Variants in CEP120 observed in about 807,000 individuals in gnomAD.
CEP120 encodes centrosomal protein of 120 kDa.
Under a neutral mutation model 126.5 loss-of-function variants are expected in CEP120, and 113 were observed. The ratio of observed to expected loss-of-function variants is 0.89; its 90% confidence interval spans 0.77 to 1.04. The LOEUF is 1.04. Ranked by LOEUF, CEP120 falls within the 50% of genes least tolerant of loss-of-function variation. The pLI, the probability that CEP120 is intolerant of heterozygous loss-of-function variation, is 0.00. For missense variants in CEP120, 1,230 were observed against 1,155.7 expected (o/e 1.06, Z -0.93); for synonymous variants, 400 against 394.3 (o/e 1.01, Z -0.17).
intron 4 of CEP120, chr5:123,403,616 A>G (rs1017998571): frequency 2.9e-6 from 1 of 344,766 alleles, no homozygotes; most frequent in Non-Finnish European, 5.6e-6. Flanking sequence ...TTTACAGTTG[A>G]GAGCACTAAC....
intron 5 of CEP120, among the ~76,000 whole-genome samples, chr5:123,394,461 C>T (rs572395251): frequency 6.6e-6 from 1 of 152,282 alleles, no homozygotes; most frequent in Admixed American, 6.5e-5. Context: ...TCTAATGCCA[C>T]CACTGATCTG....
chr5:123,389,903 A>G, intron 8 of CEP120, 21 bp downstream of exon 8: 1 of 1,596,834 alleles, frequency 6.3e-7, no homozygotes, highest in Non-Finnish European at 8.6e-7. Context: ...AGATCTATAA[A>G]CAAACAACAA....
At chr5:123,380,958 A>G (rs1771597390) in intron 14 of CEP120, among the ~76,000 whole-genome samples, 1 of 152,104 alleles carries the variant, frequency 6.6e-6, no homozygotes, top group Non-Finnish European at 1.5e-5. Flanking sequence ...AGACTTTGAA[A>G]TACTCTTATT....
intron 1 of CEP120, chr5:123,422,353 C>A (rs1011423788): frequency 1.5e-6 from 1 of 688,492 alleles, no homozygotes; most frequent in Non-Finnish European, 2.5e-6. Context: ...GACACACTCT[C>A]CTTGCTACAT....
At chr5:123,411,862 AATGAT>A (rs1774080622) in intron 4 of CEP120, among the ~76,000 whole-genome samples, 1 of 152,234 alleles carries the variant, frequency 6.6e-6, no homozygotes, top group Non-Finnish European at 1.5e-5. Context: ...CACTGATATG[AATGAT>A]ATGATATGTT....
chr5:123,358,661 A>G (rs1769837169), intron 18 of CEP120, among the ~76,000 whole-genome samples: 1 of 150,772 alleles, frequency 6.6e-6, no homozygotes, highest in Admixed American at 6.7e-5. Flanking sequence ...AAATGCTTTG[A>G]ATTTTTAATC....
chr5:123,349,956 T>C lies in CEP120; in HGVS notation c.2714A>G (p.Asn905Ser), dbSNP rs1228371775. ...TTAGTTATTATACCTGTTCAATTCATTTCTTATATCCAACAATTCTTGTCG... is the reference window on the plus strand; with the variant it reads ...TTAGTTATTATACCTGTTCAATTCACTTCTTATATCCAACAATTCTTGTCG... Reference protein sequence around the residue: ...TERQELLDIRNELNRLRQQEQ... With the variant: ...TERQELLDIRSELNRLRQQEQ... Residue 905 changes from asparagine (N) to serine (S), a missense_variant, in exon 19 of 20, where the codon AAT becomes AGT. Physicochemically the swap from Asn to Ser is conservative, Grantham distance 46. Coordinates refer to ENST00000306467, the MANE Select transcript of CEP120 (RefSeq NM_001375405.1). 1 of 1,613,376 alleles carries C rather than the reference T, an allele frequency of 6.2e-7. No individual in the cohort carries two copies. The highest frequency in any genetic ancestry group is 1.7e-5 in the Admixed American group (1 of 59,870).
Position 123,345,359 on chromosome 5 carries a change from C to T in CEP120, c.*1160G>A, listed in dbSNP as rs1208315953. ...TGAAATGACCGAAAATTAATGTTAC[C>T]ATATATCCTACTCTGCTTTGATGGA... On this transcript the variant is annotated 3_prime_UTR_variant, in exon 20 of 20. Coordinates refer to ENST00000306467, the MANE Select transcript of CEP120 (RefSeq NM_001375405.1). The T allele has an allele frequency of 6.6e-6, 1 of 151,864 alleles. No homozygotes were observed. Among genetic ancestry groups the T allele is most frequent in the East Asian group, 1.9e-4 (1 of 5,184 alleles). The allele number at this position is 151,864 out of a possible 1,614,324, so 9.4% of individuals were successfully genotyped here. A position where few individuals can be genotyped will look rare whatever the true frequency, so the allele number is the denominator to read the frequency against.
chr5:123,404,447 C>G (rs532048457), intron 4 of CEP120, among the ~76,000 whole-genome samples: 4 of 151,994 alleles, frequency 2.6e-5, no homozygotes, highest in Non-Finnish European at 5.9e-5. Context: ...GTCTTCGGCA[C>G]AGAAGAGTAT....
chr5:123,417,553 CT>C (rs1562099612), intron 2 of CEP120, among the ~76,000 whole-genome samples: 3 of 151,958 alleles, frequency 2.0e-5, no homozygotes, highest in Non-Finnish European at 2.9e-5. Flanking sequence ...GATAGAATTA[CT>C]TTCATAACTT....
intron 18 of CEP120, among the ~76,000 whole-genome samples, chr5:123,361,752 G>C (rs1283294589): frequency 2.0e-5 from 3 of 151,728 alleles, no homozygotes; most frequent in Non-Finnish European, 4.4e-5. Context: ...CACCACCACA[G>C]AACAGCTTTA....
In CEP120 at chr5:123,423,308, A is replaced by C. The variant is rs1774845332; in HGVS notation, c.-310T>G. 7.4e-6 allele frequency: 3 copies of C among 404,348 alleles called. No homozygotes were observed. The highest frequency in any genetic ancestry group is 8.9e-6 in the Non-Finnish European group (2 of 225,422). 25.0% of individuals were successfully genotyped at this position (404,348 alleles called of 1,614,324 possible). A position where few individuals can be genotyped will look rare whatever the true frequency, so the allele number is the denominator to read the frequency against. ...TTTGCCGCCTGCGTAGCCGCTTTTC[A>C]AACGCCCGGGCGGCCGCAGCGGCCG... On this transcript the variant is annotated 5_prime_UTR_variant, in exon 1 of 20. Coordinates refer to ENST00000306467, the MANE Select transcript of CEP120 (RefSeq NM_001375405.1).
rs1041346794 is a variant in CEP120 at position 123,346,671 on chromosome 5, A to G, written c.2809T>C (p.Leu937=). ...AAATAATCATCCAAACCTTCTTCCA[A>G]TACACTGCCATGGGGGCCATCCTTT... The part of the protein sequence containing the change: ...GKKDGPHGSV[L]EEGLDDYLTR... The change falls in exon 20 of 20, where the codon TTG becomes CTG. Residue 937 remains leucine, a synonymous_variant. Coordinates refer to ENST00000306467, the MANE Select transcript of CEP120 (RefSeq NM_001375405.1). The G allele has an allele frequency of 8.7e-6, 14 of 1,613,858 alleles. No homozygotes were observed. The highest frequency in any genetic ancestry group is 1.1e-5 in the Non-Finnish European group (13 of 1,179,932).
At chr5:123,415,962 A>G in intron 3 of CEP120, 48 bp downstream of exon 3, 1 of 1,224,254 alleles carries the variant, frequency 8.2e-7, no homozygotes, top group South Asian at 1.2e-5. Context: ...TACTGAAAAT[A>G]ATCGACTGTC....
intron 1 of CEP120, chr5:123,422,674 G>A (rs112500942): frequency 7.1e-6 from 6 of 845,042 alleles, no homozygotes; most frequent in Middle Eastern, 2.2e-4. Flanking sequence ...AAAAGCCATC[G>A]ACGTGCTGCT....
intron 17 of CEP120, 116 bp from the exon 18 acceptor site, chr5:123,364,710 G>A (rs1453833154): frequency 1.4e-5 from 6 of 428,564 alleles, no homozygotes; most frequent in East Asian, 1.0e-4. Flanking sequence ...TGTAACATAC[G>A]ACATCATCTA....
At chr5:123,352,114 C>T (rs1769235722) in intron 18 of CEP120, among the ~76,000 whole-genome samples, 2 of 151,974 alleles carry the variant, frequency 1.3e-5, no homozygotes, top group Admixed American at 1.3e-4. Context: ...TCATAAAGTT[C>T]CTATTTAAGC....
At chr5:123,374,552 A>G (rs1771072649) in intron 16 of CEP120, among the ~76,000 whole-genome samples, 1 of 152,114 alleles carries the variant, frequency 6.6e-6, no homozygotes, top group Non-Finnish European at 1.5e-5. Context: ...ACTATCCATC[A>G]TTATATAAAC....
intron 19 of CEP120, 84 bp downstream of exon 19, chr5:123,349,860 C>T (rs1769085054): frequency 9.6e-7 from 1 of 1,037,156 alleles, no homozygotes; most frequent in Admixed American, 2.4e-5. Flanking sequence ...TATATATGAT[C>T]TACTTTATCC....
Sources: allele counts gnomAD v4.1 joint callset (sites outside exome capture counted in the v4.1 genomes callset), GRCh38; gene constraint gnomAD v4.1.1; transcripts MANE v1.5; gene names NCBI Gene and HGNC (gene_info 2026-07-23, HGNC 2026-07-21).